Variants in EPHA6 observed in about 807,000 individuals in gnomAD.
EPHA6 encodes EPH receptor A6, also known as ephrin type-A receptor 6.
A neutral mutation model predicts 112.0 loss-of-function variants in EPHA6; 50 were observed. The ratio of observed to expected loss-of-function variants is 0.45; its 90% CI spans 0.36 to 0.56. The LOEUF is 0.56. Among genes scored for constraint, EPHA6 ranks in the 20% least tolerant of loss-of-function variants. The pLI is 0.00. For synonymous variants in EPHA6, 529 were observed against 490.7 expected, an observed-to-expected ratio of 1.08 and a Z score of -1.03; for missense variants, 1,280 against 1,417.4, an observed-to-expected ratio of 0.90 and a Z score of 1.56.
intron 1 of EPHA6, among the ~76,000 whole-genome samples, chr3:96,858,835 G>A (rs1273517721): frequency 6.6e-6 from 1 of 151,954 alleles, no homozygotes; most frequent in Non-Finnish European, 1.5e-5. Context: ...CAGAGAAGAC[G>A]ACTCCAAAAG....
chr3:97,230,099 CA>C (rs1576729418), intron 4 of EPHA6, among the ~76,000 whole-genome samples: 1 of 152,082 alleles, frequency 6.6e-6, no homozygotes, highest in Non-Finnish European at 1.5e-5. Flanking sequence ...ACAGACCTGT[CA>C]GGCATGTATC....
chr3:97,405,096 A>T, intron 5 of EPHA6, 54 bp from the exon 6 acceptor site: 1 of 1,536,828 alleles, frequency 6.5e-7, no homozygotes, highest in Non-Finnish European at 8.8e-7. Flanking sequence ...TAAAGAAAGG[A>T]TAATGGAAAA....
intron 12 of EPHA6, among the ~76,000 whole-genome samples, chr3:97,593,635 C>T (rs991512402): frequency 2.0e-5 from 3 of 152,118 alleles, no homozygotes; most frequent in African/African-American, 7.2e-5. Flanking sequence ...ACTGGGAAAT[C>T]CAATAAAAAC....
At chr3:97,475,252 G>T in intron 7 of EPHA6, 100 bp from the exon 8 acceptor site, 1 of 825,544 alleles carries the variant, frequency 1.2e-6, no homozygotes. Context: ...TACTGAGCTT[G>T]GCATCCGTTA....
chr3:97,395,509 T>C (rs866292195), intron 5 of EPHA6, among the ~76,000 whole-genome samples: 5 of 151,854 alleles, frequency 3.3e-5, no homozygotes, highest in South Asian at 2.1e-4. Flanking sequence ...TTCCTGAGCA[T>C]ACACAGAAAG....
intron 2 of EPHA6, among the ~76,000 whole-genome samples, chr3:96,970,874 T>C (rs1418100469): frequency 6.6e-6 from 1 of 152,136 alleles, no homozygotes; most frequent in African/African-American, 2.4e-5. Context: ...TAAATCAGGA[T>C]AATATGCTTC....
chr3:96,906,549 A>G lies in EPHA6; in HGVS notation c.450+39660A>G, dbSNP rs1004319088. On this transcript the variant is annotated intron_variant, in intron 2 of 17. Transcript: ENST00000389672. ...AGATAAGGCAGATTCAGACATCCTG[A>G]CATGTCACGTGCCCTTGTGCTCTGT... Among the ~76,000 whole-genome samples, 5 of 152,174 alleles carry G rather than the reference A, an allele frequency of 3.3e-5. No individual in the cohort carries two copies. In the East Asian group the frequency reaches 9.7e-4, roughly 29 times the overall value.
At chr3:97,003,578 C>T (rs1473906568) in intron 3 of EPHA6, among the ~76,000 whole-genome samples, 4 of 152,096 alleles carry the variant, frequency 2.6e-5, no homozygotes, top group Non-Finnish European at 5.9e-5. Context: ...TTGTAGGATA[C>T]AAATTAGGAT....
chr3:97,736,209 T>A, intron 16 of EPHA6, 91 bp downstream of exon 16: 1 of 1,020,448 alleles, frequency 9.8e-7, no homozygotes, highest in Admixed American at 2.9e-5. Context: ...AGGAAAAAAA[T>A]GCCTTGATAA....
intron 11 of EPHA6, among the ~76,000 whole-genome samples, chr3:97,533,875 T>C (rs1357293841): frequency 6.6e-6 from 1 of 152,114 alleles, no homozygotes; most frequent in Non-Finnish European, 1.5e-5. Flanking sequence ...GAACCATCTC[T>C]GATGTTACAA....
chr3:97,094,297 C>T (rs1002357236), intron 3 of EPHA6, among the ~76,000 whole-genome samples: 1 of 152,034 alleles, frequency 6.6e-6, no homozygotes, highest in Non-Finnish European at 1.5e-5. Flanking sequence ...TCTTATTAGA[C>T]CCCCCTAGCA....
chr3:96,848,637 T>A lies in EPHA6; in HGVS notation c.386-18188T>A, dbSNP rs564282579. On this transcript the variant is annotated intron_variant, in intron 1 of 17. Transcript: ENST00000389672. ...GAGACTCCGTCTATTTAAAAAAAAT[T>A]AAATCTTCATATTTTAAACGTTTAT... 1.2e-4 allele frequency among the ~76,000 whole-genome samples: 19 copies of A among 152,180 alleles called. No individual in the cohort carries two copies. In the South Asian group the frequency reaches 3.9e-3, roughly 32 times the overall value.
chr3:97,271,076 G>A (rs1471160626), intron 5 of EPHA6, among the ~76,000 whole-genome samples: 2 of 152,190 alleles, frequency 1.3e-5, no homozygotes, highest in African/African-American at 4.8e-5. Context: ...GGTAATGAGT[G>A]ATCAAGGACT....
chr3:97,333,829 T>A (rs796685022), intron 5 of EPHA6, among the ~76,000 whole-genome samples: 2 of 152,016 alleles, frequency 1.3e-5, no homozygotes, highest in South Asian at 4.2e-4. Flanking sequence ...GGCTAGAAAT[T>A]CCAGTACTAC....
At chr3:97,671,377 C>T (rs1049962037) in intron 14 of EPHA6, among the ~76,000 whole-genome samples, 6 of 152,222 alleles carry the variant, frequency 3.9e-5, no homozygotes, top group South Asian at 4.2e-4. Flanking sequence ...GATGACAAGA[C>T]GTAGGACTTC....
chr3:97,371,131 T>C (rs2085029289), intron 5 of EPHA6, among the ~76,000 whole-genome samples: 2 of 152,082 alleles, frequency 1.3e-5, no homozygotes. Flanking sequence ...AGCTTTTTCG[T>C]TACCAATACA....
intron 2 of EPHA6, among the ~76,000 whole-genome samples, chr3:96,942,446 TA>T (rs201536690): frequency 0.27 from 41,528 of 152,116 alleles, 10,991 homozygotes; most frequent in African/African-American, 0.67. Context: ...GCTGTGCTGT[TA>T]TTTTAAGCCC....
In EPHA6 at chr3:97,587,685, G is replaced by T. The variant is rs557947986; in HGVS notation, c.2387-4927G>T. ...GGTTTTTTGTGGCCTCCTCTTTTTA[G>T]ATACCATCCTTATTTTCATAATGTG... On this transcript the variant is annotated intron_variant, in intron 11 of 17. Coordinates refer to ENST00000389672, the MANE Select transcript of EPHA6 (RefSeq NM_001080448.3). Among the ~76,000 whole-genome samples, 201 of 152,192 alleles carry T rather than the reference G, an allele frequency of 1.3e-3. 1 individual carries two copies. The highest frequency in any genetic ancestry group is 1.5e-3 in the Non-Finnish European group (101 of 68,006).
chr3:97,706,156 T>A (rs574389290), intron 14 of EPHA6, among the ~76,000 whole-genome samples: 190 of 152,328 alleles, frequency 1.2e-3, no homozygotes, highest in African/African-American at 3.9e-3. Flanking sequence ...TTTACTGTAG[T>A]TGATTCTGCC....
Sources: gnomAD v4.1 joint callset for allele counts (sites outside exome capture counted in the v4.1 genomes callset) on GRCh38, gnomAD v4.1.1 for gene constraint, MANE v1.5 for transcripts, NCBI Gene and HGNC (gene_info 2026-07-23, HGNC 2026-07-21) for gene names.